GRID2IP: variants seen among roughly 807,000 people sequenced by gnomAD.
The protein encoded by GRID2IP is delphilin.
Under a neutral mutation model 114.3 loss-of-function variants are expected in GRID2IP, and 78 were observed. The observed-to-expected ratio is 0.68, with a 90% CI of 0.57 to 0.82. The LOEUF (loss-of-function observed/expected upper bound fraction) is 0.82, where lower values mean the gene tolerates loss of function less well. Ranked by LOEUF, GRID2IP falls within the 40% of genes least tolerant of loss-of-function variation. The probability of loss-of-function intolerance (pLI) is 0.00; values close to 1 mark genes in which losing one functional copy is unlikely to be tolerated. For synonymous variants in GRID2IP, 809 were observed against 724.0 expected (o/e 1.12, Z -1.89); for missense variants, 1,727 against 1,678.5 (o/e 1.03, Z -0.51).
At chr7:6,514,215 T>C (rs1779245769) in intron 8 of GRID2IP, among the ~76,000 whole-genome samples, 160 bp downstream of exon 8, 3 of 150,820 alleles carry the variant, frequency 2.0e-5, no homozygotes, top group South Asian at 4.2e-4. Flanking sequence ...ATCGTGCCAT[T>C]GCACTCCAGC....
At position 6,536,339 on chromosome 7, in the gene GRID2IP, G is replaced by A. The variant is rs1158844561; in HGVS notation, c.584+3379C>T. ...GCAGAGGCTGCCGTTTCAAGCTGCG[G>A]GGACTGGGCATCCCCAGGTGTCCAG... On this transcript the variant is annotated intron_variant, in intron 2 of 21. Transcript: ENST00000457091. This position sits in a 1 kb window ranked among gnomAD's most constrained non-coding sequence, Gnocchi z 5.3. Among the ~76,000 whole-genome samples the A allele has an allele frequency of 2.0e-5, 3 of 152,336 alleles. No individual in the cohort carries two copies. The highest frequency in any genetic ancestry group is 2.0e-4 in the Admixed American group (3 of 15,308).
rs566615177 is a variant in GRID2IP, at chr7:6,520,225, G to A, written c.1268+353C>T. Among the ~76,000 whole-genome samples the A allele has an allele frequency of 7.0e-4, 107 of 152,182 alleles. 1 individual carries two copies. The highest frequency in any genetic ancestry group is 2.5e-3 in the African/African-American group (105 of 41,504). ...AAGAATCGCTTGAACCCAGGAGGCG[G>A]AGGCTGCAGTGAGCCAAGATCTCAT... On this transcript the variant is annotated intron_variant, in intron 7 of 21. Transcript: ENST00000457091. The surrounding 1 kb of genome is among the most constrained non-coding windows in gnomAD (Gnocchi z 4.6).
chr7:6,503,166 G>C lies in GRID2IP; in HGVS notation c.2908-3C>G. The C allele has an allele frequency of 6.8e-7, 1 of 1,476,948 alleles. No individual in the cohort carries two copies. The allele number at this position is 1,476,948 out of a possible 1,614,324, so 91.5% of individuals were successfully genotyped here. On this transcript the variant is annotated splice_region_variant and splice_polypyrimidine_tract_variant and intron_variant, in intron 16 of 21. Coordinates refer to ENST00000457091, the MANE Select transcript of GRID2IP (RefSeq NM_001145118.2). ...TTGTATTCGGGAACTGACAGCATCTGCCTCGAAGGCAGAGCCAGGATTCAC... is the reference window on the plus strand; with the variant it reads ...TTGTATTCGGGAACTGACAGCATCTCCCTCGAAGGCAGAGCCAGGATTCAC...
rs2115088672 is a variant in GRID2IP at position 6,532,572 on chromosome 7, A to T, written c.585-5803T>A. Reference sequence around the variant, plus strand: ...CTTCCTGGAAGCAGCCAGAAACTGGAGCCAGTGCCCACTCATGCCGTGCCC... The same window carrying T: ...CTTCCTGGAAGCAGCCAGAAACTGGTGCCAGTGCCCACTCATGCCGTGCCC... On this transcript the variant is annotated intron_variant, in intron 2 of 21. Coordinates refer to ENST00000457091, the MANE Select transcript of GRID2IP (RefSeq NM_001145118.2). The surrounding 1 kb of genome is among the most constrained non-coding windows in gnomAD (Gnocchi z 4.4). Among the ~76,000 whole-genome samples the T allele has an allele frequency of 6.6e-6, 1 of 152,244 alleles. No homozygotes were observed. The highest frequency in any genetic ancestry group is 2.4e-5 in the African/African-American group (1 of 41,546).
At chr7:6,540,208 G>A (rs1394983990) in intron 1 of GRID2IP, among the ~76,000 whole-genome samples, 2 of 151,380 alleles carry the variant, frequency 1.3e-5, no homozygotes, top group African/African-American at 4.9e-5. Context: ...CATCTCCCAG[G>A]TTCAAGCGAT....
chr7:6,514,927 G>A (rs1225623037), intron 7 of GRID2IP, among the ~76,000 whole-genome samples: 2 of 150,450 alleles, frequency 1.3e-5, no homozygotes. Context: ...ACTCCAGCCT[G>A]GGAGACAGAG....
chr7:6,517,130 C>T (rs1229832514), intron 7 of GRID2IP, among the ~76,000 whole-genome samples: 2 of 151,714 alleles, frequency 1.3e-5, no homozygotes, highest in African/African-American at 4.8e-5. Context: ...TCTCGTCTCA[C>T]TGCAAGCTCC....
intron 2 of GRID2IP, among the ~76,000 whole-genome samples, chr7:6,538,032 G>A (rs1003838607): frequency 3.9e-5 from 6 of 152,106 alleles, no homozygotes; most frequent in Admixed American, 2.0e-4. Flanking sequence ...GTGAAAGAGT[G>A]TTCCTCTAGT....
chr7:6,531,952 C>T (rs996463198), intron 2 of GRID2IP, among the ~76,000 whole-genome samples: 1 of 152,078 alleles, frequency 6.6e-6, no homozygotes, highest in East Asian at 1.9e-4. Flanking sequence ...GCCCAGGCTG[C>T]GACAACACCC....
chr7:6,518,247 A>G (rs1458995489), intron 7 of GRID2IP, among the ~76,000 whole-genome samples: 1 of 152,082 alleles, frequency 6.6e-6, no homozygotes, highest in Non-Finnish European at 1.5e-5. Flanking sequence ...AAATAAAATA[A>G]AATATACAAG....
chr7:6,531,761 G>A (rs1198677003), intron 2 of GRID2IP, among the ~76,000 whole-genome samples: 1 of 152,226 alleles, frequency 6.6e-6, no homozygotes, highest in Non-Finnish European at 1.5e-5. Context: ...GGAGCCGTGG[G>A]AGGGTTTCAT....
chr7:6,508,183 C>T lies in GRID2IP; in HGVS notation c.2346G>A (p.Gln782=). 6.6e-7 allele frequency: 1 copy of T among 1,507,632 alleles called. No homozygotes were observed. The highest frequency in any genetic ancestry group is 8.9e-7 in the Non-Finnish European group (1 of 1,128,792). 93.4% of individuals were successfully genotyped at this position (1,507,632 alleles called of 1,614,324 possible). A position where few individuals can be genotyped will look rare whatever the true frequency, so the allele number is the denominator to read the frequency against. The part of the protein sequence containing the change: ...RSSDGSRGPA[Q]ALAKPLTQLS... ...GTTGGGTGAGGGGCTTGGCCAGCGC[C>T]TGAGCAGGGCCCCGGGAACCATCAG... is the stretch of plus-strand genomic sequence containing the variant. The change falls in exon 13 of 22, where the codon CAG becomes CAA. Residue 782 remains glutamine, a synonymous_variant. Coordinates refer to ENST00000457091, the MANE Select transcript of GRID2IP (RefSeq NM_001145118.2). This position sits in a 1 kb window ranked among gnomAD's most constrained non-coding sequence, Gnocchi z 5.6.
At chr7:6,514,581 T>C in intron 7 of GRID2IP, 52 bp from the exon 8 acceptor site, 3 of 1,426,194 alleles carry the variant, frequency 2.1e-6, no homozygotes, top group Non-Finnish European at 2.8e-6. Context: ...CTTACCATGA[T>C]GCACAGAGTG....
intron 2 of GRID2IP, among the ~76,000 whole-genome samples, chr7:6,535,173 C>T (rs1779702632): frequency 6.8e-6 from 1 of 146,922 alleles, no homozygotes; most frequent in Non-Finnish European, 1.5e-5. Context: ...GTGTGAGCCA[C>T]CGCGCCGGGC....
At chr7:6,515,753 C>G (rs1779283055) in intron 7 of GRID2IP, among the ~76,000 whole-genome samples, 1 of 151,752 alleles carries the variant, frequency 6.6e-6, no homozygotes. Flanking sequence ...CACTACACTC[C>G]ATCCTGGGCC....
chr7:6,529,918 G>A (rs986301755), intron 2 of GRID2IP, among the ~76,000 whole-genome samples: 2 of 150,270 alleles, frequency 1.3e-5, no homozygotes, highest in East Asian at 3.9e-4. Context: ...CCCCCTCCTA[G>A]GGTCCTCTCT....
chr7:6,500,802 C>T (rs977105824), intron 20 of GRID2IP, among the ~76,000 whole-genome samples: 7 of 152,254 alleles, frequency 4.6e-5, no homozygotes, highest in African/African-American at 1.7e-4. Flanking sequence ...GCGAGAACTG[C>T]CACATGCCCT....
Position 6,514,437 on chromosome 7 carries a change from T to C in GRID2IP, c.1361A>G (p.Tyr454Cys), listed in dbSNP as rs867008247. 51 of 1,549,704 alleles carry C rather than the reference T, an allele frequency of 3.3e-5. No individual in the cohort carries two copies. The Middle Eastern group carries it at 2.8e-3, about 86-fold the overall frequency. The part of the protein sequence containing the change: ...LWQFIYQLLT[Y>C]EEQELCQEKI... ...CTCCTGACAGAGCTCCTGCTCCTCA[T>C]AGGTCAGCAGCTGGTAGATGAACTG... Residue 454 changes from tyrosine (Y) to cysteine (C), a missense_variant, in exon 8 of 22, where the codon TAT becomes TGT. Transcript: ENST00000457091.
Position 6,519,738 on chromosome 7 carries a change from CGA to C in GRID2IP, c.1268+838_1268+839del, listed in dbSNP as rs1554276051. On this transcript the variant is annotated intron_variant, in intron 7 of 21. Coordinates refer to ENST00000457091, the MANE Select transcript of GRID2IP (RefSeq NM_001145118.2). This position sits in a 1 kb window ranked among gnomAD's most constrained non-coding sequence, Gnocchi z 4.1. ...CACCACTGCACTCCAGCCTGGGCAA[CGA>C]GAGTGAAACACCATCTCAAAAAACA... 6.6e-6 allele frequency among the ~76,000 whole-genome samples: 1 copy of C among 151,942 alleles called. No individual in the cohort carries two copies. The highest frequency in any genetic ancestry group is 1.5e-5 in the Non-Finnish European group (1 of 67,988).
Sources: allele counts gnomAD v4.1 joint callset (sites outside exome capture counted in the v4.1 genomes callset), GRCh38; gene constraint gnomAD v4.1.1; non-coding constraint Gnocchi (gnomAD v3.1); transcripts MANE v1.5; gene names NCBI Gene and HGNC (gene_info 2026-07-23, HGNC 2026-07-21).